SGMS1: variants seen among roughly 807,000 people sequenced by gnomAD.
SGMS1 encodes the protein phosphatidylcholine:ceramide cholinephosphotransferase 1.
In SGMS1, 13 loss-of-function variants were observed where a neutral mutation model predicts 46.2. That is an observed-to-expected ratio of 0.28 (90% CI 0.18 to 0.45). The LOEUF (loss-of-function observed/expected upper bound fraction) is 0.45, where lower values mean the gene tolerates loss of function less well. SGMS1 is among the 20% of genes least tolerant of loss of function. The pLI is 1.00. For synonymous variants in SGMS1, 203 were observed against 187.8 expected, an observed-to-expected ratio of 1.08 and a Z score of -0.66; for missense variants, 324 against 519.9, an observed-to-expected ratio of 0.62 and a Z score of 3.66.
intron 2 of SGMS1, among the ~76,000 whole-genome samples, chr10:50,585,004 T>C (rs1838470750): frequency 6.6e-6 from 1 of 152,110 alleles, no homozygotes; most frequent in African/African-American, 2.4e-5. Flanking sequence ...ATAATATATA[T>C]ACAAGCACAT....
At chr10:50,487,252 A>G (rs901267193) in intron 3 of SGMS1, among the ~76,000 whole-genome samples, 1 of 152,214 alleles carries the variant, frequency 6.6e-6, no homozygotes, top group Non-Finnish European at 1.5e-5. Context: ...CAAACACTGC[A>G]TGCTCTCATT....
rs144696196 is a variant in SGMS1, at chr10:50,443,971, G to C, written c.-312-10415C>G. On this transcript the variant is annotated intron_variant, in intron 5 of 10. Coordinates refer to ENST00000361781, the MANE Select transcript of SGMS1 (RefSeq NM_147156.4). ...ATTTTTTACTAAGGGTGAATATTGTGATCTGCAGAGTAACTACAAAACAGT... is the reference window on the plus strand; with the variant it reads ...ATTTTTTACTAAGGGTGAATATTGTCATCTGCAGAGTAACTACAAAACAGT... 2.0e-5 allele frequency among the ~76,000 whole-genome samples: 3 copies of C among 152,112 alleles called. No homozygotes were observed. In the East Asian group the frequency reaches 5.8e-4, roughly 29 times the overall value.
rs193106682 is a variant in SGMS1, at chr10:50,393,451, C to T, written c.-232+40025G>A. On this transcript the variant is annotated intron_variant, in intron 6 of 10. Transcript: ENST00000361781. ...GCACAAATCACTGCCTGTCACTTAA[C>T]GGGAAGATACCTGCTAAAGCTTTAC... 9.9e-5 allele frequency among the ~76,000 whole-genome samples: 15 copies of T among 152,246 alleles called. No homozygotes were observed. In the East Asian group the frequency reaches 2.7e-3, roughly 27 times the overall value.
chr10:50,529,828 C>T (rs964335180), intron 2 of SGMS1, among the ~76,000 whole-genome samples: 6 of 152,126 alleles, frequency 3.9e-5, no homozygotes, highest in African/African-American at 7.2e-5. Context: ...ATTACTATAC[C>T]GTACCATACA....
chr10:50,526,401 C>T (rs1837901951), intron 2 of SGMS1, among the ~76,000 whole-genome samples: 1 of 152,114 alleles, frequency 6.6e-6, no homozygotes, highest in South Asian at 2.1e-4. Context: ...CAGGTCCCTC[C>T]CCTGACACAT....
chr10:50,523,312 T>C (rs1303890067), intron 2 of SGMS1, among the ~76,000 whole-genome samples: 1 of 152,262 alleles, frequency 6.6e-6, no homozygotes, highest in African/African-American at 2.4e-5. Context: ...CAATGTATAA[T>C]AAATGCTCTT....
intron 3 of SGMS1, among the ~76,000 whole-genome samples, chr10:50,468,256 C>A (rs1837348391): frequency 6.6e-6 from 1 of 152,130 alleles, no homozygotes; most frequent in African/African-American, 2.4e-5. Context: ...TAAAGCTATT[C>A]CTCTTTACAG....
intron 6 of SGMS1, among the ~76,000 whole-genome samples, chr10:50,392,462 C>T (rs1024452726): frequency 6.6e-6 from 1 of 152,126 alleles, no homozygotes; most frequent in Non-Finnish European, 1.5e-5. Flanking sequence ...CCTAACTGTA[C>T]AAGGTCGCGA....
At chr10:50,435,307 T>C (rs1464470405) in intron 5 of SGMS1, among the ~76,000 whole-genome samples, 1 of 152,204 alleles carries the variant, frequency 6.6e-6, no homozygotes, top group Non-Finnish European at 1.5e-5. Flanking sequence ...ACTGTGTCCA[T>C]CATACAATTA....
At chr10:50,470,964 T>C (rs1837373571) in intron 3 of SGMS1, among the ~76,000 whole-genome samples, 4 of 152,222 alleles carry the variant, frequency 2.6e-5, no homozygotes, top group African/African-American at 7.2e-5. Context: ...ACTTACACAT[T>C]GCAATCTACT....
intron 6 of SGMS1, among the ~76,000 whole-genome samples, chr10:50,355,802 A>G: frequency 6.6e-6 from 1 of 150,636 alleles, no homozygotes; most frequent in South Asian, 2.1e-4. Context: ...GCCTCTTCCC[A>G]GCCGTCATCC....
chr10:50,474,653 G>C (rs12415547), intron 3 of SGMS1, among the ~76,000 whole-genome samples: 8 of 152,010 alleles, frequency 5.3e-5, no homozygotes, highest in Admixed American at 5.2e-4. Context: ...CAGAATATTA[G>C]AATTTTTCAT....
chr10:50,335,914 G>C (rs1006250391), intron 7 of SGMS1: 36 of 152,090 alleles, frequency 2.4e-4, no homozygotes, highest in African/African-American at 8.2e-4. Flanking sequence ...AAATTGCTGG[G>C]ATTACTAACT....
intron 3 of SGMS1, among the ~76,000 whole-genome samples, chr10:50,482,703 T>C (rs936830001): frequency 6.6e-6 from 1 of 152,178 alleles, no homozygotes; most frequent in Middle Eastern, 3.2e-3. Context: ...AATTCACACA[T>C]AACACTACTA....
rs67414877 is a variant in SGMS1 at position 50,436,709 on chromosome 10, G to A, written c.-312-3153C>T. ...GCAAAGCTGAGCCTGCTACCCCTGG[G>A]TGGAAGAAGACTGGCTGGCATCAAA... is the stretch of plus-strand genomic sequence containing the variant. On this transcript the variant is annotated intron_variant, in intron 5 of 10. Transcript: ENST00000361781. 9.7e-3 allele frequency among the ~76,000 whole-genome samples: 1,473 copies of A among 152,272 alleles called. 14 individuals are homozygous for A. Among genetic ancestry groups the A allele is most frequent in the Middle Eastern group, 0.031 (9 of 294 alleles).
intron 2 of SGMS1, among the ~76,000 whole-genome samples, chr10:50,576,129 A>T (rs887044545): frequency 6.6e-6 from 1 of 151,976 alleles, no homozygotes; most frequent in Non-Finnish European, 1.5e-5. Context: ...CAACCACCTA[A>T]CACTGTATTA....
intron 5 of SGMS1, among the ~76,000 whole-genome samples, chr10:50,458,231 T>G (rs1001782845): frequency 1.3e-5 from 2 of 152,064 alleles, no homozygotes; most frequent in African/African-American, 4.8e-5. Context: ...ATGTTTATGA[T>G]CTAAATGTCA....
At chr10:50,441,755 T>G (rs1012400102) in intron 5 of SGMS1, among the ~76,000 whole-genome samples, 6 of 152,358 alleles carry the variant, frequency 3.9e-5, no homozygotes, top group Admixed American at 6.5e-5. Context: ...CATCCTAATT[T>G]AAAGTAGTAG....
At chr10:50,328,793 T>C (rs1310782374) in intron 7 of SGMS1, among the ~76,000 whole-genome samples, 1 of 152,194 alleles carries the variant, frequency 6.6e-6, no homozygotes, top group Non-Finnish European at 1.5e-5. Flanking sequence ...TGCCTCTAAT[T>C]TCAAGTAAAA....
Sources: gnomAD v4.1 joint callset for allele counts (sites outside exome capture counted in the v4.1 genomes callset) on GRCh38, gnomAD v4.1.1 for gene constraint, MANE v1.5 for transcripts, NCBI Gene and HGNC (gene_info 2026-07-23, HGNC 2026-07-21) for gene names.